The following PDE4D variants were observed in gnomAD, a reference collection of about 807,000 sequenced individuals.
The protein encoded by PDE4D is phosphodiesterase 4D, also known as 3',5'-cyclic-AMP phosphodiesterase 4D.
A neutral mutation model predicts 87.4 loss-of-function variants in PDE4D; 24 were observed. The observed-to-expected ratio is 0.27, with a 90% CI of 0.20 to 0.39. The LOEUF is 0.39. PDE4D is among the 10% of genes least tolerant of loss of function. The pLI, the probability that PDE4D is intolerant of heterozygous loss-of-function variation, is 1.00. For synonymous variants in PDE4D, 384 were observed against 383.2 expected (o/e 1.00, Z -0.02); for missense variants, 714 against 1,041.0 (o/e 0.69, Z 4.32).
chr5:59,601,637 C>T (rs1050769204), intron 1 of PDE4D, among the ~76,000 whole-genome samples: 5 of 152,062 alleles, frequency 3.3e-5, no homozygotes, highest in Admixed American at 1.3e-4. Flanking sequence ...ACTGAATCCT[C>T]AGCACTTTTG....
At chr5:59,182,284 G>T (rs1741833341) in intron 4 of PDE4D, among the ~76,000 whole-genome samples, 1 of 151,064 alleles carries the variant, frequency 6.6e-6, no homozygotes, top group East Asian at 1.9e-4. Context: ...TTGAGATAGG[G>T]TCTCACTCTG....
chr5:59,365,336 G>A (rs1782883688), intron 1 of PDE4D, among the ~76,000 whole-genome samples: 1 of 151,896 alleles, frequency 6.6e-6, no homozygotes, highest in South Asian at 2.1e-4. Flanking sequence ...GTGCATGCCT[G>A]GGGTCCTAGC....
intron 1 of PDE4D, among the ~76,000 whole-genome samples, chr5:59,827,203 A>G (rs1770431147): frequency 6.6e-6 from 1 of 152,048 alleles, no homozygotes; most frequent in Non-Finnish European, 1.5e-5. Context: ...CTGGTTAAAT[A>G]TTAGCCTGAC....
intron 1 of PDE4D, among the ~76,000 whole-genome samples, chr5:59,339,659 C>T (rs969893938): frequency 6.6e-6 from 1 of 152,124 alleles, no homozygotes; most frequent in African/African-American, 2.4e-5. Context: ...GGCACACGTT[C>T]GGTCATGTGG....
rs976052464 is a variant in PDE4D, at chr5:59,816,764, G to A, written c.455+76404C>T. Among the ~76,000 whole-genome samples the A allele has an allele frequency of 2.0e-5, 3 of 152,234 alleles. No individual in the cohort carries two copies. The East Asian group carries it at 5.8e-4, about 29-fold the overall frequency. ...AAGCTTAGAAGGATTTCCTTCCTAA[G>A]AAATACCCAGTTTTGCTGCCAAACA... On this transcript the variant is annotated intron_variant, in intron 1 of 14. Coordinates refer to ENST00000340635, the MANE Select transcript of PDE4D (RefSeq NM_001104631.2).
intron 5 of PDE4D, chr5:59,125,382 G>T: frequency 1.7e-6 from 1 of 601,396 alleles, no homozygotes; most frequent in Non-Finnish European, 2.1e-6. Context: ...TCTTCCTTAA[G>T]CTTCCTCTGT....
intron 1 of PDE4D, chr5:60,430,086 A>T (rs1744086215): frequency 1.9e-6 from 1 of 524,102 alleles, no homozygotes; most frequent in African/African-American, 1.9e-5. Flanking sequence ...GCCTGGTATC[A>T]AAGTGTGCAT....
intron 2 of PDE4D, among the ~76,000 whole-genome samples, chr5:60,064,571 G>A (rs1300539257): frequency 6.6e-6 from 1 of 152,086 alleles, no homozygotes; most frequent in Non-Finnish European, 1.5e-5. Context: ...AATATTTTCT[G>A]ATTAAAAACT....
chr5:59,593,823 C>T (rs1826254295), intron 1 of PDE4D, among the ~76,000 whole-genome samples: 2 of 152,246 alleles, frequency 1.3e-5, no homozygotes, highest in South Asian at 4.1e-4. Flanking sequence ...AGGGAGGTCC[C>T]CACAATTCTG....
intron 2 of PDE4D, among the ~76,000 whole-genome samples, chr5:60,014,037 G>GAGCC (rs1239495640): frequency 6.7e-6 from 1 of 148,512 alleles, no homozygotes; most frequent in African/African-American, 2.5e-5. Context: ...AGGTTGCCGT[G>GAGCC]AGCCGAGATC....
chr5:59,514,195 T>C (rs1164854723), intron 1 of PDE4D, among the ~76,000 whole-genome samples: 1 of 150,918 alleles, frequency 6.6e-6, no homozygotes. Context: ...ATGCTCCGCC[T>C]CCCGGGTTCA....
intron 2 of PDE4D, among the ~76,000 whole-genome samples, chr5:59,994,328 C>T (rs1763315462): frequency 6.6e-6 from 1 of 151,038 alleles, no homozygotes; most frequent in African/African-American, 2.4e-5. Context: ...TACACACATA[C>T]AGTATATGTA....
At chr5:60,452,660 C>A (rs1463184536) in intron 1 of PDE4D, among the ~76,000 whole-genome samples, 1 of 151,998 alleles carries the variant, frequency 6.6e-6, no homozygotes, top group African/African-American at 2.4e-5. Flanking sequence ...TTAAAAAATG[C>A]AAACACCTAT....
At chr5:59,317,390 A>G (rs1377303847) in intron 1 of PDE4D, among the ~76,000 whole-genome samples, 1 of 152,126 alleles carries the variant, frequency 6.6e-6, no homozygotes, top group Non-Finnish European at 1.5e-5. Flanking sequence ...ATTAAAATCA[A>G]CTAACACATT....
chr5:60,050,332 G>A (rs540215593), intron 2 of PDE4D, among the ~76,000 whole-genome samples: 3 of 152,212 alleles, frequency 2.0e-5, no homozygotes, highest in South Asian at 4.1e-4. Flanking sequence ...CTTCTGTGAC[G>A]CTCTCACTGG....
At chr5:59,942,237 T>C (rs1221332711) in intron 3 of PDE4D, among the ~76,000 whole-genome samples, 2 of 152,248 alleles carry the variant, frequency 1.3e-5, no homozygotes, top group African/African-American at 4.8e-5. Flanking sequence ...TGTTTGATCA[T>C]AGTTTTCACT....
intron 1 of PDE4D, among the ~76,000 whole-genome samples, chr5:60,259,155 T>C (rs1053548198): frequency 6.6e-6 from 1 of 152,118 alleles, no homozygotes; most frequent in Non-Finnish European, 1.5e-5. Context: ...CCTATAATTA[T>C]AAAACACTAG....
chr5:59,502,733 T>G (rs1808533941), intron 1 of PDE4D, among the ~76,000 whole-genome samples: 2 of 151,514 alleles, frequency 1.3e-5, no homozygotes, highest in South Asian at 4.2e-4. Context: ...TCTCTTTTTT[T>G]GTAAAACTCT....
chr5:59,523,949 GTAAGT>G (rs1422767014), intron 1 of PDE4D, among the ~76,000 whole-genome samples: 1 of 152,184 alleles, frequency 6.6e-6, no homozygotes, highest in African/African-American at 2.4e-5. Context: ...CACCATGTTT[GTAAGT>G]TTCCTGAAGC....
Sources: allele counts gnomAD v4.1 joint callset (sites outside exome capture counted in the v4.1 genomes callset), GRCh38; gene constraint gnomAD v4.1.1; transcripts MANE v1.5; gene names NCBI Gene and HGNC (gene_info 2026-07-23, HGNC 2026-07-21).